The following CCDC91 variants were observed in gnomAD, a reference collection of about 807,000 sequenced individuals.
CCDC91 encodes coiled-coil domain-containing protein 91.
CCDC91 carries 48 observed loss-of-function variants against 63.2 expected under a neutral mutation model. The observed-to-expected ratio is 0.76, with a 90% CI of 0.60 to 0.97. CCDC91 has a LOEUF of 0.97. CCDC91 is among the 50% of genes least tolerant of loss of function. The pLI is 0.00. For missense variants in CCDC91, 500 were observed against 494.6 expected (o/e 1.01, Z -0.10); for synonymous variants, 167 against 165.8 (o/e 1.01, Z -0.06).
intron 7 of CCDC91, among the ~76,000 whole-genome samples, chr12:28,385,767 A>G (rs1945560949): frequency 6.6e-6 from 1 of 152,162 alleles, no homozygotes; most frequent in African/African-American, 2.4e-5. Context: ...CAGATCTGAA[A>G]CAATGGGGCT....
At chr12:28,409,814 TTTTA>T (rs1947203896) in intron 8 of CCDC91, among the ~76,000 whole-genome samples, 1 of 152,194 alleles carries the variant, frequency 6.6e-6, no homozygotes. Context: ...TTAGAAGAGT[TTTTA>T]TTTAGTTTCT....
chr12:28,456,991 G>T (rs1367288610), intron 11 of CCDC91, among the ~76,000 whole-genome samples: 1 of 152,070 alleles, frequency 6.6e-6, no homozygotes, highest in East Asian at 1.9e-4. Context: ...AAAGAATATG[G>T]CCACTTTAGA....
chr12:28,440,646 A>G (rs762381834), intron 8 of CCDC91, among the ~76,000 whole-genome samples: 1 of 152,216 alleles, frequency 6.6e-6, no homozygotes, highest in African/African-American at 2.4e-5. Context: ...TGAAAAGGCA[A>G]GCCACAAACT....
At position 28,538,153 on chromosome 12, in the gene CCDC91, C is replaced by T. The variant is rs189768269; in HGVS notation, c.1216-10910C>T. On this transcript the variant is annotated intron_variant, in intron 12 of 12. Transcript: ENST00000536442. ...TAAGTTTTAGGGTACATGTGCACAA[C>T]GTGCAGGTTAGTTACATATGTATAC... Among the ~76,000 whole-genome samples the T allele has an allele frequency of 4.6e-3, 679 of 148,700 alleles. 8 individuals are homozygous for T. The highest frequency in any genetic ancestry group is 0.029 in the Admixed American group (431 of 14,888).
chr12:28,461,144 T>A (rs1566010394), intron 11 of CCDC91, among the ~76,000 whole-genome samples: 2 of 152,066 alleles, frequency 1.3e-5, no homozygotes, highest in Non-Finnish European at 2.9e-5. Flanking sequence ...ATACCTGTTA[T>A]AATCTTAAGA....
At chr12:28,328,976 C>G (rs865899381) in intron 6 of CCDC91, among the ~76,000 whole-genome samples, 1 of 152,116 alleles carries the variant, frequency 6.6e-6, no homozygotes, top group Middle Eastern at 3.4e-3. Flanking sequence ...GAAATGAGAA[C>G]CAATGGTGTT....
intron 7 of CCDC91, among the ~76,000 whole-genome samples, chr12:28,386,807 A>C (rs1945631701): frequency 6.6e-6 from 1 of 152,244 alleles, no homozygotes; most frequent in South Asian, 2.1e-4. Flanking sequence ...TGCCCTTGAT[A>C]GCATTCTTTT....
intron 1 of CCDC91, among the ~76,000 whole-genome samples, chr12:28,226,963 A>C (rs1944308961): frequency 6.6e-6 from 1 of 152,104 alleles, no homozygotes; most frequent in Non-Finnish European, 1.5e-5. Context: ...GACATTTTGT[A>C]GGTTATTCCT....
intron 3 of CCDC91, among the ~76,000 whole-genome samples, chr12:28,269,980 T>G (rs1947634880): frequency 6.6e-6 from 1 of 152,008 alleles, no homozygotes; most frequent in Non-Finnish European, 1.5e-5. Context: ...ATGCATTAAT[T>G]TTTTTCCTTA....
rs1472190477 is a variant in CCDC91 at position 28,480,412 on chromosome 12, A to T, written c.1102-3640A>T. Among the ~76,000 whole-genome samples the T allele has an allele frequency of 2.6e-5, 4 of 152,004 alleles. No homozygotes were observed. The Admixed American group carries it at 2.6e-4, about 10-fold the overall frequency. On this transcript the variant is annotated intron_variant, in intron 11 of 12. Coordinates refer to ENST00000536442, the MANE Select transcript of CCDC91 (RefSeq NM_018318.5). ...TGTATGGTTATTTCAGTTTCTGTGC[A>T]TTTATATTTTATTTTCACAAATAAA...
chr12:28,363,965 T>TG (rs1944095630), intron 7 of CCDC91, among the ~76,000 whole-genome samples: 1 of 149,544 alleles, frequency 6.7e-6, no homozygotes, highest in South Asian at 2.1e-4. Context: ...TGAAAAGTGT[T>TG]TTTTTTTTTT....
intron 6 of CCDC91, among the ~76,000 whole-genome samples, chr12:28,311,106 G>C (rs919102645): frequency 6.6e-6 from 1 of 151,976 alleles, no homozygotes; most frequent in South Asian, 2.1e-4. Flanking sequence ...GTTAATGTCA[G>C]GTGCAAGTAA....
intron 7 of CCDC91, among the ~76,000 whole-genome samples, chr12:28,378,563 G>C (rs1440961756): frequency 6.6e-6 from 1 of 152,052 alleles, no homozygotes; most frequent in East Asian, 1.9e-4. Flanking sequence ...TTTGCTCAAA[G>C]AGAGGAAAAG....
chr12:28,526,059 C>G (rs1315876675), intron 12 of CCDC91, among the ~76,000 whole-genome samples: 5 of 150,958 alleles, frequency 3.3e-5, no homozygotes, highest in Non-Finnish European at 7.4e-5. Context: ...AATTTTGTAT[C>G]TTTTAAGTGG....
intron 11 of CCDC91, among the ~76,000 whole-genome samples, chr12:28,469,820 A>G (rs1226192058): frequency 1.3e-5 from 2 of 152,270 alleles, no homozygotes; most frequent in East Asian, 3.9e-4. Flanking sequence ...CAAAGGTGCC[A>G]GGAACATATA....
At chr12:28,455,255 T>G (rs1950003068) in intron 11 of CCDC91, among the ~76,000 whole-genome samples, 1 of 152,128 alleles carries the variant, frequency 6.6e-6, no homozygotes, top group Non-Finnish European at 1.5e-5. Context: ...CATTTATTAA[T>G]TAATCATATT....
At chr12:28,194,257 T>TTC (rs1227264123) in intron 1 of CCDC91, among the ~76,000 whole-genome samples, 9 of 152,064 alleles carry the variant, frequency 5.9e-5, no homozygotes, top group African/African-American at 2.4e-5. Flanking sequence ...CTCTCTCTCT[T>TTC]TCTCTCTCTG....
chr12:28,478,262 A>G lies in CCDC91; in HGVS notation c.1102-5790A>G, dbSNP rs367869171. 5.9e-5 allele frequency among the ~76,000 whole-genome samples: 9 copies of G among 152,292 alleles called. No individual in the cohort carries two copies. The East Asian group carries it at 1.5e-3, about 26-fold the overall frequency. On this transcript the variant is annotated intron_variant, in intron 11 of 12. Coordinates refer to ENST00000536442, the MANE Select transcript of CCDC91 (RefSeq NM_018318.5). ...CAGCATGGTACTGTTACCAAAACAG[A>G]GATATAGACCAATGGAACAGAACGG...
chr12:28,237,235 T>TACACACACACACACACAC (rs58134900), intron 1 of CCDC91, among the ~76,000 whole-genome samples: 3,663 of 143,052 alleles, frequency 0.026, 79 homozygotes, highest in East Asian at 0.05. Context: ...GTATTACACA[T>TACACACACACACACACAC]ACACACACAC....
Sources: gnomAD v4.1 joint callset for allele counts (sites outside exome capture counted in the v4.1 genomes callset) on GRCh38, gnomAD v4.1.1 for gene constraint, MANE v1.5 for transcripts, NCBI Gene and HGNC (gene_info 2026-07-23, HGNC 2026-07-21) for gene names.